HYAL4: variants seen among roughly 807,000 people sequenced by gnomAD.
HYAL4 encodes hyaluronidase-4.
In HYAL4, 37 loss-of-function variants were observed where a neutral mutation model predicts 35.2. The ratio of observed to expected loss-of-function variants is 1.05; its 90% confidence interval spans 0.81 to 1.38. HYAL4 has a LOEUF of 1.38. HYAL4 is among the 40% of genes most tolerant of loss of function. The pLI, the probability that HYAL4 is intolerant of heterozygous loss-of-function variation, is 0.00. For missense variants in HYAL4, 572 were observed against 572.4 expected (o/e 1.00, Z 0.01); for synonymous variants, 198 against 203.2 (o/e 0.97, Z 0.22).
At chr7:123,832,334 ATGAGT>A (rs1805896034) in intron 1 of HYAL4, among the ~76,000 whole-genome samples, 1 of 151,724 alleles carries the variant, frequency 6.6e-6, no homozygotes, top group African/African-American at 2.4e-5. Flanking sequence ...ATTTGGTTAC[ATGAGT>A]TAAGTTCTTT....
chr7:123,842,646 G>T (rs199808783), upstream of HYAL4, among the ~76,000 whole-genome samples: 2 of 152,042 alleles, frequency 1.3e-5, no homozygotes, highest in Middle Eastern at 3.4e-3. Flanking sequence ...CTCTTTGTAG[G>T]TCTCTAAGGA....
chr7:123,825,217 G>T (rs1342484689), upstream of HYAL4, among the ~76,000 whole-genome samples: 1 of 150,536 alleles, frequency 6.6e-6, no homozygotes, highest in South Asian at 2.1e-4. Context: ...TTTTAACCAC[G>T]TTACATATAA....
chr7:123,870,948 C>T (rs932696874), intron 3 of HYAL4, among the ~76,000 whole-genome samples: 4 of 152,000 alleles, frequency 2.6e-5, no homozygotes, highest in Admixed American at 6.6e-5. Flanking sequence ...AGGGACAAAA[C>T]GTTCATTTCA....
At chr7:123,794,248 A>G in the HYAL4 span, among the ~76,000 whole-genome samples, 2 of 152,140 alleles carry the variant, frequency 1.3e-5, no homozygotes, top group Non-Finnish European at 2.9e-5. Context: ...TGTTCAAGAG[A>G]AAGCAGAGCA....
the HYAL4 span, chr7:123,814,767 A>G: frequency 1.8e-4 from 27 of 152,640 alleles, no homozygotes; most frequent in South Asian, 5.4e-3. Context: ...CTCTATCCAG[A>G]CTGCTACAAT....
the HYAL4 span, among the ~76,000 whole-genome samples, chr7:123,815,333 C>T: frequency 1.1e-4 from 17 of 152,060 alleles, no homozygotes; most frequent in Non-Finnish European, 2.4e-4. Flanking sequence ...TAATTTTAAC[C>T]AGAGAGAAAT....
the HYAL4 span, among the ~76,000 whole-genome samples, chr7:123,769,979 A>G: frequency 6.6e-6 from 1 of 152,082 alleles, no homozygotes. Context: ...TCGCCAAGTA[A>G]AGTTTTTTTT....
At chr7:123,863,412 T>C (rs1256153090) in intron 2 of HYAL4, among the ~76,000 whole-genome samples, 1 of 152,104 alleles carries the variant, frequency 6.6e-6, no homozygotes, top group Non-Finnish European at 1.5e-5. Context: ...TTATCAGTTA[T>C]TGTGGGAAGG....
chr7:123,780,168 T>G, the HYAL4 span, among the ~76,000 whole-genome samples: 3 of 152,290 alleles, frequency 2.0e-5, no homozygotes, highest in Middle Eastern at 6.8e-3. Flanking sequence ...TGACAGGTTT[T>G]GTGCTAAGTC....
upstream of HYAL4, among the ~76,000 whole-genome samples, chr7:123,827,378 GT>G (rs1340472447): frequency 6.6e-6 from 1 of 152,152 alleles, no homozygotes; most frequent in Non-Finnish European, 1.5e-5. Context: ...ATTTGCCAGT[GT>G]TCTGTGTTGT....
chr7:123,831,164 G>T (rs1805878469), intron 1 of HYAL4, among the ~76,000 whole-genome samples: 1 of 152,140 alleles, frequency 6.6e-6, no homozygotes, highest in Non-Finnish European at 1.5e-5. Flanking sequence ...TTCTTGCTCT[G>T]GCAAGACTGG....
At chr7:123,862,781 G>A (rs541583680) in intron 2 of HYAL4, among the ~76,000 whole-genome samples, 1 of 152,146 alleles carries the variant, frequency 6.6e-6, no homozygotes, top group African/African-American at 2.4e-5. Context: ...TCCCTTAAAG[G>A]CTTGCCTCAA....
Position 123,868,913 on chromosome 7 carries a change from C to CT in HYAL4, c.643dup (p.Trp215LeufsTer8). On this transcript the variant is annotated frameshift_variant, in exon 3 of 5. Transcript: ENST00000223026. LOFTEE classifies it high-confidence loss of function. The stretch of plus-strand genomic sequence containing the variant: ...GGGAATTAAGAGCCGACCCAAAGGC[C>CT]TTTGGGGTTATTATTTATATCCTGA... 1 of 1,614,182 alleles carries CT rather than the reference C, an allele frequency of 6.2e-7. No homozygotes were observed. Among genetic ancestry groups the CT allele is most frequent in the South Asian group, 1.1e-5 (1 of 91,082 alleles).
chr7:123,849,889 C>T (rs923897656), intron 2 of HYAL4, among the ~76,000 whole-genome samples: 1 of 152,100 alleles, frequency 6.6e-6, no homozygotes, highest in Non-Finnish European at 1.5e-5. Context: ...ACTTGATTCT[C>T]TATTTCACCT....
At chr7:123,802,395 C>T in the HYAL4 span, among the ~76,000 whole-genome samples, 4 of 152,130 alleles carry the variant, frequency 2.6e-5, no homozygotes, top group African/African-American at 9.7e-5. Flanking sequence ...CTTCTCTGTT[C>T]CTGACAATCC....
chr7:123,859,019 G>T (rs1806523297), intron 2 of HYAL4, among the ~76,000 whole-genome samples: 1 of 152,096 alleles, frequency 6.6e-6, no homozygotes. Context: ...CAATGCCATA[G>T]ACATTGAAGA....
chr7:123,869,766 C>T (rs1806821032), intron 3 of HYAL4, among the ~76,000 whole-genome samples: 1 of 151,658 alleles, frequency 6.6e-6, no homozygotes, highest in African/African-American at 2.4e-5. Flanking sequence ...CGGCTCACTG[C>T]ACCCCCCACC....
chr7:123,813,155 T>A, the HYAL4 span, among the ~76,000 whole-genome samples: 50 of 152,260 alleles, frequency 3.3e-4, 1 homozygote, highest in South Asian at 0.01. Context: ...TGAGAAACAA[T>A]GTATGATTCT....
At chr7:123,822,317 TA>T in the HYAL4 span, among the ~76,000 whole-genome samples, 2 of 152,154 alleles carry the variant, frequency 1.3e-5, no homozygotes, top group Non-Finnish European at 2.9e-5. Context: ...TAACACCTTT[TA>T]TCAATATTAT....
Sources: allele counts gnomAD v4.1 joint callset (sites outside exome capture counted in the v4.1 genomes callset), GRCh38; gene constraint gnomAD v4.1.1; transcripts MANE v1.5; gene names NCBI Gene and HGNC (gene_info 2026-07-23, HGNC 2026-07-21).